Variants in MED13 observed in about 807,000 individuals in gnomAD.
MED13 encodes mediator complex subunit 13, also known as mediator of RNA polymerase II transcription subunit 13.
Under a neutral mutation model 225.2 loss-of-function variants are expected in MED13, and 23 were observed. The observed-to-expected ratio is 0.10, with a 90% confidence interval of 0.07 to 0.14. The LOEUF is 0.14. Ranked by LOEUF, MED13 falls within the 10% of genes least tolerant of loss-of-function variation. MED13 has a pLI of 1.00. For missense variants in MED13, 2,197 were observed against 2,594.5 expected (o/e 0.85, Z 3.33); for synonymous variants, 942 against 889.2 (o/e 1.06, Z -1.06).
chr17:61,965,495 T>G (rs749235450), intron 19 of MED13, 27 bp from the exon 20 acceptor site: 1 of 1,569,334 alleles, frequency 6.4e-7, no homozygotes, highest in Non-Finnish European at 8.7e-7. Flanking sequence ...GGTACGAAAT[T>G]TAATTCTTTA....
chr17:61,956,540 T>C (rs1044225775), intron 23 of MED13, 59 bp from the exon 24 acceptor site: 112 of 1,534,264 alleles, frequency 7.3e-5, no homozygotes, highest in Non-Finnish European at 9.3e-5. Flanking sequence ...GATTTTGCTG[T>C]TGTTGTTTTT....
At chr17:62,062,406 A>G (rs1250235992) in intron 2 of MED13, among the ~76,000 whole-genome samples, 8 of 152,202 alleles carry the variant, frequency 5.3e-5, no homozygotes, top group Admixed American at 2.6e-4. Context: ...TGTTTGTGTA[A>G]CCTTTTAGAT....
intron 9 of MED13, among the ~76,000 whole-genome samples, chr17:62,008,462 G>C (rs1240099355): frequency 2.0e-5 from 3 of 151,818 alleles, no homozygotes; most frequent in Non-Finnish European, 4.4e-5. Flanking sequence ...TCACAGAAGA[G>C]ATCGCGTTTT....
chr17:62,048,047 T>A, intron 3 of MED13, among the ~76,000 whole-genome samples: 1 of 138,528 alleles, frequency 7.2e-6, no homozygotes, highest in Non-Finnish European at 1.6e-5. Flanking sequence ...CATATACATA[T>A]ATATATATAT....
intron 3 of MED13, among the ~76,000 whole-genome samples, chr17:62,045,565 A>G (rs1014863164): frequency 3.9e-5 from 6 of 152,158 alleles, no homozygotes; most frequent in African/African-American, 1.4e-4. Flanking sequence ...AATCTTTTTC[A>G]AATGCACTCT....
At chr17:61,970,761 G>C (rs2080101111) in intron 17 of MED13, among the ~76,000 whole-genome samples, 1 of 148,432 alleles carries the variant, frequency 6.7e-6, no homozygotes, top group Non-Finnish European at 1.5e-5. Flanking sequence ...ACACGTCTGG[G>C]TGCTTATAAT....
intron 12 of MED13, 130 bp from the exon 13 acceptor site, chr17:61,985,220 C>T: frequency 1.5e-6 from 1 of 652,792 alleles, no homozygotes; most frequent in East Asian, 2.7e-5. Context: ...GTGATACAGC[C>T]AAATACATAC....
intron 3 of MED13, among the ~76,000 whole-genome samples, chr17:62,046,112 T>C (rs2080895384): frequency 6.6e-6 from 1 of 152,228 alleles, no homozygotes; most frequent in Admixed American, 6.5e-5. Context: ...AAACAGTCTA[T>C]ATAATACTTA....
At chr17:62,050,482 T>C (rs944223291) in intron 3 of MED13, among the ~76,000 whole-genome samples, 3 of 151,606 alleles carry the variant, frequency 2.0e-5, no homozygotes, top group Admixed American at 6.6e-5. Flanking sequence ...AGAATTTCAA[T>C]GGTAGGCTGT....
rs1260610276 is a variant in MED13, at chr17:61,943,354, T to C, written c.*3114A>G. On this transcript the variant is annotated 3_prime_UTR_variant, in exon 30 of 30. Coordinates refer to ENST00000397786, the MANE Select transcript of MED13 (RefSeq NM_005121.3). ...ATCTATTCAATTTGAACATTTTAAA[T>C]AATGCAACATAGTATTCTGATATTA... The C allele has an allele frequency of 6.6e-6, 1 of 152,584 alleles. No homozygotes were observed. The highest frequency in any genetic ancestry group is 2.4e-5 in the African/African-American group (1 of 41,462). 9.5% of individuals were successfully genotyped at this position (152,584 alleles called of 1,614,324 possible).
At chr17:62,000,427 A>C (rs1343267492) in intron 9 of MED13, among the ~76,000 whole-genome samples, 1 of 152,186 alleles carries the variant, frequency 6.6e-6, no homozygotes, top group African/African-American at 2.4e-5. Context: ...CAGGCACCTC[A>C]AACTGCATTC....
At chr17:62,020,522 G>A (rs1266870562) in intron 8 of MED13, among the ~76,000 whole-genome samples, 2 of 151,890 alleles carry the variant, frequency 1.3e-5, no homozygotes, top group Non-Finnish European at 2.9e-5. Flanking sequence ...GACTACAGGT[G>A]TGCATCACCA....
intron 1 of MED13, 41 bp downstream of exon 1, chr17:62,065,099 G>A (rs1476090416): frequency 4.0e-6 from 6 of 1,502,408 alleles, no homozygotes; most frequent in Middle Eastern, 1.8e-4. Flanking sequence ...GGCGCACCTC[G>A]CGGCCCCCCT....
chr17:61,957,607 C>CAAAGTGCTAGAA (rs1444644795), intron 23 of MED13, among the ~76,000 whole-genome samples: 2 of 152,088 alleles, frequency 1.3e-5, no homozygotes, highest in Non-Finnish European at 2.9e-5. Context: ...CTTGGCCTCA[C>CAAAGTGCTAGAA]AAAGTGCTAG....
chr17:61,970,381 T>G (rs2080096253), intron 17 of MED13, among the ~76,000 whole-genome samples: 1 of 152,098 alleles, frequency 6.6e-6, no homozygotes, highest in Non-Finnish European at 1.5e-5. Flanking sequence ...TGGTGGGAAT[T>G]CAAACTGATA....
chr17:61,965,396 T>C lies in MED13; in HGVS notation c.4454A>G (p.Gln1485Arg), dbSNP rs997265150. 7 of 1,614,064 alleles carry C rather than the reference T, an allele frequency of 4.3e-6. No individual in the cohort carries two copies. The highest frequency in any genetic ancestry group is 5.9e-6 in the Non-Finnish European group (7 of 1,180,014). Residue 1485 changes from glutamine (Q) to arginine (R), a missense_variant, in exon 20 of 30, where the codon CAG becomes CGG. Gln to Arg is a conservative substitution (Grantham distance 43). This residue lies in a region of MED13 where 457 missense variants were observed against 442.2 expected (regional missense o/e 1.03). Coordinates refer to ENST00000397786, the MANE Select transcript of MED13 (RefSeq NM_005121.3). ...SQPNLVAPTS[Q>R]SLITPPQMTN... The stretch of plus-strand genomic sequence containing the variant: ...CATCTGAGGTGGAGTAATCAAAGAC[T>C]GACTTGTAGGGGCAACTAAATTTGG...
chr17:61,973,023 G>T, intron 16 of MED13, 135 bp from the exon 17 acceptor site: 1 of 588,854 alleles, frequency 1.7e-6, no homozygotes. Flanking sequence ...TACTTGTGCA[G>T]AGAATTGCAT....
rs1348289001 is a variant in MED13, at chr17:61,984,186, G to T, written c.2873C>A (p.Pro958Gln). Residue 958 changes from proline (P) to glutamine (Q), a missense_variant, in exon 15 of 30, where the codon CCA (proline) becomes CAA (glutamine). Physicochemically the swap from Pro to Gln is moderately conservative, Grantham distance 76. This residue lies in a region of MED13 where 160 missense variants were observed against 184.8 expected (regional missense o/e 0.87). Coordinates refer to ENST00000397786, the MANE Select transcript of MED13 (RefSeq NM_005121.3). Reference sequence around the variant, plus strand: ...TAAATCATACCCCTCTTTGATGAATGGCATTGAAGGCCCTGAAGAAAGCAA... The same window carrying T: ...TAAATCATACCCCTCTTTGATGAATTGCATTGAAGGCCCTGAAGAAAGCAA... ...LELLSSGPSM[P>Q]FIKEGDGSNM... is the part of the protein sequence containing the mutation. The T allele has an allele frequency of 6.4e-7, 1 of 1,566,994 alleles. No homozygotes were observed. The highest frequency in any genetic ancestry group is 8.6e-7 in the Non-Finnish European group (1 of 1,159,664).
Position 62,010,669 on chromosome 17 carries a change from C to T in MED13, c.1848G>A (p.Lys616=). The change falls in exon 9 of 30, where the codon AAG becomes AAA. Residue 616 remains lysine (K), a synonymous_variant. Coordinates refer to ENST00000397786, the MANE Select transcript of MED13 (RefSeq NM_005121.3). The part of the protein sequence containing the change: ...LEEDEANIAW[K]YYKFPKKKDV... ...CTTTTTTCTTTGGGAACTTGTAATA[C>T]TTCCAGGCTATATTGGCTTCATCTT... The T allele has an allele frequency of 6.6e-7, 1 of 1,519,680 alleles. No individual in the cohort carries two copies. The highest frequency in any genetic ancestry group is 1.3e-5 in the South Asian group (1 of 75,304). 94.1% of individuals were successfully genotyped at this position (1,519,680 alleles called of 1,614,324 possible). A position where few individuals can be genotyped will look rare whatever the true frequency, so the allele number is the denominator to read the frequency against.
Sources: gnomAD v4.1 joint callset for allele counts (sites outside exome capture counted in the v4.1 genomes callset) on GRCh38, gnomAD v4.1.1 for gene constraint, gnomAD v4.1.1 regional missense constraint, MANE v1.5 for transcripts, NCBI Gene and HGNC (gene_info 2026-07-23, HGNC 2026-07-21) for gene names.